PLXNA4: variants seen among roughly 807,000 people sequenced by gnomAD.
PLXNA4 encodes the protein plexin A4, also known as plexin-A4.
PLXNA4 carries 44 observed loss-of-function variants against 191.8 expected under a neutral mutation model. The ratio of observed to expected loss-of-function variants is 0.23; its 90% CI spans 0.18 to 0.29. The LOEUF is 0.29. PLXNA4 is among the 10% of genes least tolerant of loss of function. PLXNA4 has a pLI of 1.00. For synonymous variants in PLXNA4, 1,082 were observed against 1,009.5 expected (o/e 1.07, Z -1.36); for missense variants, 1,800 against 2,488.8 (o/e 0.72, Z 5.89).
chr7:132,624,725 G>T (rs1199067891), intron 2 of PLXNA4, among the ~76,000 whole-genome samples: 1 of 152,104 alleles, frequency 6.6e-6, no homozygotes, highest in South Asian at 2.1e-4. Flanking sequence ...TAAGCTTAGG[G>T]TTAAACACCA....
chr7:132,390,297 C>T (rs1805348329), intron 3 of PLXNA4, among the ~76,000 whole-genome samples: 1 of 152,104 alleles, frequency 6.6e-6, no homozygotes, highest in Non-Finnish European at 1.5e-5. Flanking sequence ...AACCATCATT[C>T]TCAGCAAACT....
chr7:132,482,283 C>T (rs975282211), intron 3 of PLXNA4, among the ~76,000 whole-genome samples: 1 of 152,208 alleles, frequency 6.6e-6, no homozygotes, highest in Non-Finnish European at 1.5e-5. Context: ...TTGCACCTTG[C>T]TCAGCCTCTT....
intron 3 of PLXNA4, among the ~76,000 whole-genome samples, chr7:132,433,124 C>G (rs1164154642): frequency 6.6e-6 from 1 of 152,208 alleles, no homozygotes; most frequent in African/African-American, 2.4e-5. Context: ...CGTTGGAAAA[C>G]TTAGGAGCCA....
At chr7:132,486,206 C>T (rs1797551969) in intron 3 of PLXNA4, among the ~76,000 whole-genome samples, 1 of 152,226 alleles carries the variant, frequency 6.6e-6, no homozygotes, top group Non-Finnish European at 1.5e-5. Context: ...GCCTCAGTCA[C>T]TTGCAAAACT....
At chr7:132,171,125 G>A (rs1249131595) in intron 21 of PLXNA4, among the ~76,000 whole-genome samples, 2 of 152,176 alleles carry the variant, frequency 1.3e-5, no homozygotes, top group East Asian at 3.9e-4. Flanking sequence ...CATACATGCC[G>A]CTGTCCTTCA....
At chr7:132,204,629 C>T (rs1163348784) in intron 10 of PLXNA4, among the ~76,000 whole-genome samples, 2 of 152,112 alleles carry the variant, frequency 1.3e-5, no homozygotes, top group African/African-American at 4.8e-5. Context: ...CACAGGAGGC[C>T]ACTGAGGCTC....
chr7:132,563,159 C>G (rs1380285073), intron 1 of PLXNA4, among the ~76,000 whole-genome samples: 2 of 83,768 alleles, frequency 2.4e-5, no homozygotes, highest in African/African-American at 4.2e-5. Context: ...TCCTTCTCCT[C>G]CTCCTCCTTC....
At chr7:132,390,169 A>T (rs1432465206) in intron 3 of PLXNA4, among the ~76,000 whole-genome samples, 1 of 152,196 alleles carries the variant, frequency 6.6e-6, no homozygotes, top group Non-Finnish European at 1.5e-5. Flanking sequence ...AACTAACCCA[A>T]ATGCCCATCA....
Position 132,182,177 on chromosome 7 carries a change from T to A in PLXNA4, c.3172A>T (p.Ile1058Phe). 1 of 1,614,072 alleles carries A rather than the reference T, an allele frequency of 6.2e-7. No individual in the cohort carries two copies. The highest frequency in any genetic ancestry group is 8.5e-7 in the Non-Finnish European group (1 of 1,180,012). ...EWSIVSGNTP[I>F]AVWGTHLDLI... is the part of the protein sequence containing the mutation. ...TCCAGGTGGGTCCCCCATACGGCGA[T>A]GGGTGTGTTTCCACTGAGCAGGAAG... The change falls in exon 17 of 32, where the codon ATC becomes TTC. Residue 1058 changes from isoleucine to phenylalanine, a missense_variant. By Grantham distance (21) the Ile-to-Phe change is conservative. Transcript: ENST00000321063.
intron 2 of PLXNA4, among the ~76,000 whole-genome samples, chr7:132,490,150 T>C (rs1797731964): frequency 6.6e-6 from 1 of 152,182 alleles, no homozygotes; most frequent in Non-Finnish European, 1.5e-5. Context: ...TCAGGCTCCC[T>C]GTGTCTTTTA....
chr7:132,347,798 A>G (rs867635367), intron 3 of PLXNA4, among the ~76,000 whole-genome samples: 4 of 152,238 alleles, frequency 2.6e-5, no homozygotes, highest in Admixed American at 1.3e-4. Context: ...GGCTATCTTT[A>G]TATCTTCCAC....
intron 20 of PLXNA4, 151 bp downstream of exon 20, chr7:132,179,536 C>A: frequency 1.8e-6 from 2 of 1,104,148 alleles, no homozygotes; most frequent in Non-Finnish European, 2.6e-6. Flanking sequence ...TTCGCACAGA[C>A]ACACACACCG....
At chr7:132,296,426 T>A (rs1396117579) in intron 4 of PLXNA4, among the ~76,000 whole-genome samples, 4 of 138,864 alleles carry the variant, frequency 2.9e-5, no homozygotes, top group African/African-American at 1.2e-4. Context: ...CTTTGTTTTT[T>A]TGTTTTTAAT....
At chr7:132,218,465 T>C (rs1429639958) in intron 9 of PLXNA4, among the ~76,000 whole-genome samples, 2 of 152,202 alleles carry the variant, frequency 1.3e-5, no homozygotes, top group Non-Finnish European at 2.9e-5. Context: ...GCCCAGAGAA[T>C]ACAGCTTCAG....
At chr7:132,237,082 A>G (rs547508354) in intron 5 of PLXNA4, among the ~76,000 whole-genome samples, 1 of 152,374 alleles carries the variant, frequency 6.6e-6, no homozygotes, top group Non-Finnish European at 1.5e-5. Context: ...CATGTGGATT[A>G]CAAGCGTGTT....
rs1404085153 is a variant in PLXNA4 at position 132,251,381 on chromosome 7, T to C, written c.1504-10215A>G. ...TGTTTCCCAAGCACAGCCTGCTCAA[T>C]GGGAGCCTTTGTTTCTGCAGCCAAG... On this transcript the variant is annotated intron_variant, in intron 4 of 31. Transcript: ENST00000321063. Among the ~76,000 whole-genome samples the C allele has an allele frequency of 2.0e-5, 3 of 152,240 alleles. 1 individual carries two copies. The highest frequency in any genetic ancestry group is 2.0e-4 in the Admixed American group (3 of 15,298).
At chr7:132,182,564 G>A (rs1796745039) in intron 16 of PLXNA4, among the ~76,000 whole-genome samples, 1 of 152,058 alleles carries the variant, frequency 6.6e-6, no homozygotes, top group Non-Finnish European at 1.5e-5. Flanking sequence ...ACCAATCTTG[G>A]GACTTTTTAA....
intron 2 of PLXNA4, among the ~76,000 whole-genome samples, chr7:132,583,360 TAA>T (rs1204196256): frequency 6.6e-6 from 1 of 151,824 alleles, no homozygotes; most frequent in East Asian, 1.9e-4. Context: ...GCAGGTAGAG[TAA>T]AAAGAGACTA....
At chr7:132,608,475 A>G (rs1802985357) in intron 2 of PLXNA4, among the ~76,000 whole-genome samples, 1 of 152,188 alleles carries the variant, frequency 6.6e-6, no homozygotes, top group South Asian at 2.1e-4. Context: ...ATGGCAAAGG[A>G]GAAGTACACT....
Sources: allele counts gnomAD v4.1 joint callset (sites outside exome capture counted in the v4.1 genomes callset), GRCh38; gene constraint gnomAD v4.1.1; transcripts MANE v1.5; gene names NCBI Gene and HGNC (gene_info 2026-07-23, HGNC 2026-07-21).